NHERF2: variants seen among roughly 807,000 people sequenced by gnomAD.
NHERF2 encodes NHERF family PDZ scaffold protein 2, also known as Na(+)/H(+) exchange regulatory cofactor NHE-RF2.
the NHERF2 span, chr16:2,037,741 G>C: frequency 6.5e-7 from 1 of 1,550,374 alleles, no homozygotes; most frequent in Non-Finnish European, 8.7e-7. Flanking sequence ...GGCAGCCTCT[G>C]TTGGTTGCTC....
At chr16:2,037,452 G>A in the NHERF2 span, 2 of 959,378 alleles carry the variant, frequency 2.1e-6, no homozygotes, top group Non-Finnish European at 3.1e-6. Flanking sequence ...AGCACACACT[G>A]GGGGGGGGTG....
chr16:2,038,117 C>T, the NHERF2 span: 153 of 1,162,166 alleles, frequency 1.3e-4, no homozygotes, highest in Middle Eastern at 1.6e-3. Flanking sequence ...GCCCCAGCCC[C>T]GGTGAGCCCC....
the NHERF2 span, among the ~76,000 whole-genome samples, chr16:2,029,302 C>T: frequency 3.3e-5 from 5 of 152,008 alleles, no homozygotes; most frequent in Non-Finnish European, 7.4e-5. Flanking sequence ...AGCCCCTTCC[C>T]AGCCCCGCCT....
At chr16:2,032,943 AGG>A in the NHERF2 span, 4 of 1,086,282 alleles carry the variant, frequency 3.7e-6, no homozygotes, top group Non-Finnish European at 4.5e-6. This position sits in a 1 kb window ranked among gnomAD's most constrained non-coding sequence, Gnocchi z 4.0. Context: ...GTTCTGCGGG[AGG>A]CGGCTGTGTG....
At chr16:2,029,769 A>G in the NHERF2 span, 11 of 1,527,098 alleles carry the variant, frequency 7.2e-6, no homozygotes, top group African/African-American at 1.4e-4. Flanking sequence ...CACAGCTCCG[A>G]AGCTGGCAAG....
At chr16:2,034,225 G>A in the NHERF2 span, among the ~76,000 whole-genome samples, 1 of 152,182 alleles carries the variant, frequency 6.6e-6, no homozygotes, top group Non-Finnish European at 1.5e-5. Context: ...TCTTGTGTCT[G>A]TGGCTGTGTG....
chr16:2,030,725 G>A, the NHERF2 span, among the ~76,000 whole-genome samples: 1 of 151,678 alleles, frequency 6.6e-6, no homozygotes, highest in African/African-American at 2.4e-5. Flanking sequence ...GATCACCTGA[G>A]GTCAGGAATT....
chr16:2,037,844 C>A, the NHERF2 span: 1 of 1,594,098 alleles, frequency 6.3e-7, no homozygotes, highest in Middle Eastern at 1.7e-4. Flanking sequence ...TGCCTGGAAG[C>A]AAGATCCCTT....
the NHERF2 span, among the ~76,000 whole-genome samples, chr16:2,031,296 G>C: frequency 6.6e-6 from 1 of 152,178 alleles, no homozygotes; most frequent in African/African-American, 2.4e-5. Flanking sequence ...GGGCTGGTGG[G>C]GGGGCTGGCC....
At chr16:2,035,662 C>T in the NHERF2 span, 3 of 985,812 alleles carry the variant, frequency 3.0e-6, no homozygotes, top group Non-Finnish European at 3.6e-6. Flanking sequence ...GCATGGTCCC[C>T]TGGCCCAGAG....
chr16:2,030,932 C>T, the NHERF2 span, among the ~76,000 whole-genome samples: 1 of 151,750 alleles, frequency 6.6e-6, no homozygotes, highest in Non-Finnish European at 1.5e-5. Flanking sequence ...CAGAGTGAGA[C>T]TGTCTCAAAA....
chr16:2,036,456 T>C, the NHERF2 span: 1 of 1,603,356 alleles, frequency 6.2e-7, no homozygotes, highest in South Asian at 1.1e-5. Context: ...GGACCCGGGC[T>C]CACCTGCCGC....
the NHERF2 span, chr16:2,036,678 T>TG: frequency 1.6e-5 from 25 of 1,598,226 alleles, no homozygotes; most frequent in Admixed American, 5.0e-5. Context: ...CACGCGGCGT[T>TG]GGGGGCTGTC....
the NHERF2 span, among the ~76,000 whole-genome samples, chr16:2,033,708 G>C: frequency 8.5e-5 from 13 of 152,140 alleles, no homozygotes; most frequent in Non-Finnish European, 1.9e-4. Flanking sequence ...TGGAGCCCGT[G>C]GGAGCCCGAG....
chr16:2,036,699 G>C, the NHERF2 span: 1 of 1,606,834 alleles, frequency 6.2e-7, no homozygotes, highest in South Asian at 1.1e-5. Context: ...TGGGCCCATG[G>C]CGGGGCTGAT....
At chr16:2,031,782 T>C in the NHERF2 span, among the ~76,000 whole-genome samples, 3 of 152,170 alleles carry the variant, frequency 2.0e-5, no homozygotes, top group Non-Finnish European at 4.4e-5. Context: ...ACCTCCGCTG[T>C]CTGGGTTCAA....
At chr16:2,030,245 G>A in the NHERF2 span, among the ~76,000 whole-genome samples, 5 of 152,194 alleles carry the variant, frequency 3.3e-5, no homozygotes, top group Non-Finnish European at 7.4e-5. Flanking sequence ...CACAGGCAGC[G>A]CCGTGGTTGG....
At chr16:2,032,804 G>A in the NHERF2 span, 6 of 996,188 alleles carry the variant, frequency 6.0e-6, no homozygotes, top group African/African-American at 1.7e-5. The surrounding 1 kb of genome is among the most constrained non-coding windows in gnomAD (Gnocchi z 4.0). Context: ...AAACAGAGAC[G>A]GGGTGGCCAG....
At chr16:2,037,706 G>C in the NHERF2 span, 2 of 1,554,446 alleles carry the variant, frequency 1.3e-6, no homozygotes, top group East Asian at 2.4e-5. Context: ...TGTTCAGGAA[G>C]TCCTCGTGAG....
Sources: allele counts gnomAD v4.1 joint callset (sites outside exome capture counted in the v4.1 genomes callset), GRCh38; gene constraint gnomAD v4.1.1; non-coding constraint Gnocchi (gnomAD v3.1); transcripts MANE v1.5; gene names NCBI Gene and HGNC (gene_info 2026-07-23, HGNC 2026-07-21).